The following ROBO2 variants were observed in gnomAD, a reference collection of about 807,000 sequenced individuals.
The protein encoded by ROBO2 is roundabout homolog 2.
ROBO2 carries 53 observed loss-of-function variants against 160.8 expected under a neutral mutation model. That is an observed-to-expected ratio of 0.33 (90% CI 0.26 to 0.41). The LOEUF (loss-of-function observed/expected upper bound fraction) is 0.41, where lower values mean the gene tolerates loss of function less well. ROBO2 is among the 10% of genes least tolerant of loss of function. The pLI, the probability that ROBO2 is intolerant of heterozygous loss-of-function variation, is 1.00. For synonymous variants in ROBO2, 664 were observed against 611.7 expected (o/e 1.09, Z -1.26); for missense variants, 1,577 against 1,722.4 (o/e 0.92, Z 1.49).
chr3:76,670,320 G>GT (rs1408286432), intron 2 of ROBO2, among the ~76,000 whole-genome samples: 3 of 113,310 alleles, frequency 2.6e-5, no homozygotes, highest in South Asian at 6.1e-4. Context: ...TCCTGTAGTA[G>GT]GTTTTTTTTT....
At chr3:77,379,191 C>T (rs1027620252) in intron 2 of ROBO2, among the ~76,000 whole-genome samples, 1 of 152,146 alleles carries the variant, frequency 6.6e-6, no homozygotes, top group Admixed American at 6.5e-5. Flanking sequence ...AGTGATCCAC[C>T]TGCCTCGGCC....
chr3:76,457,056 A>G (rs946344374), intron 2 of ROBO2, among the ~76,000 whole-genome samples: 1 of 152,168 alleles, frequency 6.6e-6, no homozygotes, highest in Admixed American at 6.5e-5. Context: ...AAACCATATC[A>G]TTCTGTCCCT....
At chr3:77,360,935 G>T (rs2153467156) in intron 2 of ROBO2, among the ~76,000 whole-genome samples, 1 of 151,788 alleles carries the variant, frequency 6.6e-6, no homozygotes, top group South Asian at 2.1e-4. Flanking sequence ...CTTGTTGGTA[G>T]TGAGTGATTT....
At chr3:77,044,190 T>G (rs2064389305) in intron 1 of ROBO2, among the ~76,000 whole-genome samples, 1 of 151,788 alleles carries the variant, frequency 6.6e-6, no homozygotes, top group South Asian at 2.1e-4. Context: ...AATGATTATA[T>G]AAAAAGAGCA....
chr3:76,813,431 A>C (rs1468402051), intron 2 of ROBO2, among the ~76,000 whole-genome samples: 1 of 152,092 alleles, frequency 6.6e-6, no homozygotes, highest in Non-Finnish European at 1.5e-5. Flanking sequence ...CTTATTTAAA[A>C]CTTTGTTTTA....
chr3:77,358,891 T>C (rs1486979258), intron 2 of ROBO2, among the ~76,000 whole-genome samples: 1 of 152,202 alleles, frequency 6.6e-6, no homozygotes, highest in African/African-American at 2.4e-5. Flanking sequence ...GGTAAATTAT[T>C]ATAGTAGGTC....
chr3:77,084,391 T>C (rs1308114007), intron 1 of ROBO2, among the ~76,000 whole-genome samples: 1 of 152,156 alleles, frequency 6.6e-6, no homozygotes, highest in Non-Finnish European at 1.5e-5. Context: ...TATTGAATAT[T>C]TTATGGTAAA....
intron 2 of ROBO2, among the ~76,000 whole-genome samples, chr3:76,568,337 A>G (rs1268160517): frequency 2.0e-5 from 3 of 151,662 alleles, no homozygotes; most frequent in Non-Finnish European, 2.9e-5. Context: ...TCGCTCTGTC[A>G]CCCAGGCTGG....
chr3:76,497,624 G>A (rs2080225506), intron 2 of ROBO2, among the ~76,000 whole-genome samples: 1 of 152,190 alleles, frequency 6.6e-6, no homozygotes, highest in South Asian at 2.1e-4. Context: ...GCAAATATAA[G>A]TCTAGATGTT....
At chr3:76,798,171 G>GA (rs1355234093) in intron 2 of ROBO2, among the ~76,000 whole-genome samples, 20 of 66,246 alleles carry the variant, frequency 3.0e-4, no homozygotes, top group South Asian at 9.8e-4. Context: ...AGAAAGAAAG[G>GA]GAGAGAAAGA....
Position 77,040,604 on chromosome 3 carries a change from G to A in ROBO2, c.-182G>A. 1 of 1,458,872 alleles carries A rather than the reference G, an allele frequency of 6.9e-7. No homozygotes were observed. The highest frequency in any genetic ancestry group is 9.0e-7 in the Non-Finnish European group (1 of 1,114,310). 90.4% of individuals were successfully genotyped at this position (1,458,872 alleles called of 1,614,324 possible). ...TCTGTTAATTTGGATGGATCTCAGT[G>A]TGCCCCGTTCGAGACCTCTCCACCA... On this transcript the variant is annotated 5_prime_UTR_variant, in exon 1 of 26. It adds an upstream start codon to the 5' untranslated region. Coordinates refer to ENST00000461745, the Ensembl canonical transcript of ROBO2.
chr3:77,330,978 T>C (rs1217618991), intron 2 of ROBO2, among the ~76,000 whole-genome samples: 1 of 152,206 alleles, frequency 6.6e-6, no homozygotes, highest in Non-Finnish European at 1.5e-5. Context: ...TCATATAGTA[T>C]TCTGTATGAT....
intron 2 of ROBO2, among the ~76,000 whole-genome samples, chr3:76,840,384 C>T (rs528052870): frequency 2.0e-4 from 30 of 151,312 alleles, no homozygotes; most frequent in Admixed American, 7.9e-4. Context: ...CCGAGGCAGG[C>T]GGATCACGAG....
chr3:75,980,267 C>T (rs923646422), intron 2 of ROBO2, among the ~76,000 whole-genome samples: 1 of 151,588 alleles, frequency 6.6e-6, no homozygotes. Flanking sequence ...TCTCTGCCTT[C>T]TGCCTTCAGA....
intron 4 of ROBO2, among the ~76,000 whole-genome samples, chr3:77,482,238 C>T (rs1054812602): frequency 1.3e-5 from 2 of 152,064 alleles, no homozygotes; most frequent in East Asian, 3.9e-4. Context: ...TAAAATAATC[C>T]TCTACTTCTG....
chr3:76,758,619 C>A (rs940034918), intron 2 of ROBO2, among the ~76,000 whole-genome samples: 12 of 151,778 alleles, frequency 7.9e-5, no homozygotes, highest in Non-Finnish European at 1.3e-4. Flanking sequence ...CAACCCATTA[C>A]CTTCTCATCA....
intron 2 of ROBO2, among the ~76,000 whole-genome samples, chr3:76,090,834 C>G (rs751908799): frequency 2.6e-5 from 4 of 152,112 alleles, no homozygotes; most frequent in Non-Finnish European, 5.9e-5. Flanking sequence ...GGAGTGAAGG[C>G]AATACAGTGG....
intron 2 of ROBO2, among the ~76,000 whole-genome samples, chr3:76,951,874 C>T (rs911002598): frequency 3.3e-5 from 5 of 152,168 alleles, no homozygotes; most frequent in Non-Finnish European, 5.9e-5. Context: ...AAGCCCCAAC[C>T]GTAGGCATAC....
chr3:76,675,344 C>G (rs1011190796), intron 2 of ROBO2, among the ~76,000 whole-genome samples: 1 of 152,212 alleles, frequency 6.6e-6, no homozygotes, highest in Non-Finnish European at 1.5e-5. Flanking sequence ...AGAGAGTACT[C>G]GAAGCAATTT....
Sources: allele counts gnomAD v4.1 joint callset (sites outside exome capture counted in the v4.1 genomes callset), GRCh38; gene constraint gnomAD v4.1.1; transcripts MANE v1.5; gene names NCBI Gene and HGNC (gene_info 2026-07-23, HGNC 2026-07-21).